The following TNFSF13B variants were observed in gnomAD, a reference collection of about 807,000 sequenced individuals.
The protein encoded by TNFSF13B is tumor necrosis factor ligand superfamily member 13B.
TNFSF13B carries 8 observed loss-of-function variants against 29.1 expected under a neutral mutation model. The observed-to-expected ratio is 0.27, with a 90% CI of 0.16 to 0.50. TNFSF13B has a LOEUF of 0.50. TNFSF13B is among the 20% of genes least tolerant of loss of function. The pLI is 0.98. For synonymous variants in TNFSF13B, 125 were observed against 130.8 expected (o/e 0.96, Z 0.30); for missense variants, 248 against 334.9 (o/e 0.74, Z 2.03).
rs1011765801 is a variant in TNFSF13B, at chr13:108,273,234, AT to A, written c.424+2820del. Among the ~76,000 whole-genome samples, 435 of 150,214 alleles carry A rather than the reference AT, an allele frequency of 2.9e-3. 2 individuals are homozygous for A. Among genetic ancestry groups the A allele is most frequent in the South Asian group, 8.5e-3 (40 of 4,720 alleles). ...ACAGCATGGATACACTTACAGGTGGATTTTTTTTTTCAATAAACCTATTGGA... is the reference window on the plus strand; with the variant it reads ...ACAGCATGGATACACTTACAGGTGGATTTTTTTTTCAATAAACCTATTGGA... On this transcript the variant is annotated intron_variant, in intron 2 of 5. Transcript: ENST00000375887.
At chr13:108,296,437 T>C (rs1358503603) in intron 3 of TNFSF13B, among the ~76,000 whole-genome samples, 3 of 145,664 alleles carry the variant, frequency 2.1e-5, no homozygotes, top group Non-Finnish European at 4.6e-5. Flanking sequence ...AGGAGGCATA[T>C]TTGTCATCCT....
intron 3 of TNFSF13B, among the ~76,000 whole-genome samples, chr13:108,295,277 C>T (rs1000339960): frequency 2.8e-5 from 4 of 145,144 alleles, no homozygotes; most frequent in South Asian, 2.1e-4. Flanking sequence ...CAGGTTCAGG[C>T]GATTCTCCTG....
rs1453155188 is a variant in TNFSF13B at position 108,297,499 on chromosome 13, A to G, written c.482-5754A>G. On this transcript the variant is annotated intron_variant, in intron 3 of 5. Transcript: ENST00000375887. ...CATTCATGACTTTCTTCAGCGTTGG[A>G]AAGAGTTTGGCCATTATTTCTCCAA... 2.1e-5 allele frequency among the ~76,000 whole-genome samples: 3 copies of G among 145,456 alleles called. 1 individual carries two copies. Among genetic ancestry groups the G allele is most frequent in the African/African-American group, 5.2e-5 (2 of 38,662 alleles).
chr13:108,272,513 G>A (rs184396346), intron 2 of TNFSF13B, among the ~76,000 whole-genome samples: 1 of 151,928 alleles, frequency 6.6e-6, no homozygotes, highest in Non-Finnish European at 1.5e-5. Context: ...TCCTTCTGTT[G>A]TTTATTTTGA....
intron 5 of TNFSF13B, among the ~76,000 whole-genome samples, chr13:108,305,496 A>T (rs1183772680): frequency 1.3e-5 from 2 of 152,156 alleles, no homozygotes; most frequent in African/African-American, 4.8e-5. Flanking sequence ...TAATCCTTAG[A>T]GTTAATATTA....
intron 3 of TNFSF13B, among the ~76,000 whole-genome samples, chr13:108,290,261 A>G (rs1881267690): frequency 6.6e-6 from 1 of 152,196 alleles, no homozygotes; most frequent in Non-Finnish European, 1.5e-5. Flanking sequence ...ATTCCATTGT[A>G]TGAATTGAAT....
intron 3 of TNFSF13B, among the ~76,000 whole-genome samples, chr13:108,288,465 T>C (rs1881206364): frequency 6.6e-6 from 1 of 152,204 alleles, no homozygotes; most frequent in Non-Finnish European, 1.5e-5. Flanking sequence ...CTACCATAAA[T>C]GTGCTCAGAA....
Position 108,270,501 on chromosome 13 carries a change from T to C in TNFSF13B, c.424+77T>C, listed in dbSNP as rs1417139279. The stretch of plus-strand genomic sequence containing the variant: ...CCAGTCTGGGGGAGCTGGAGGTGAG[T>C]ATCCCCTCTATGAACCTATTAAATA... On this transcript the variant is annotated intron_variant, in intron 2 of 5. Coordinates refer to ENST00000375887, the MANE Select transcript of TNFSF13B (RefSeq NM_006573.5). The C allele has an allele frequency of 2.0e-5, 26 of 1,319,434 alleles. No homozygotes were observed. In the East Asian group the frequency reaches 5.9e-4, roughly 30 times the overall value. 81.7% of individuals were successfully genotyped at this position (1,319,434 alleles called of 1,614,324 possible).
chr13:108,290,149 A>G (rs1433707123), intron 3 of TNFSF13B, among the ~76,000 whole-genome samples: 1 of 152,188 alleles, frequency 6.6e-6, no homozygotes, highest in East Asian at 1.9e-4. Flanking sequence ...ATATGATTTG[A>G]AAATGAGATT....
chr13:108,301,778 G>A (rs1881631964), intron 3 of TNFSF13B, among the ~76,000 whole-genome samples: 1 of 152,116 alleles, frequency 6.6e-6, no homozygotes, highest in African/African-American at 2.4e-5. Flanking sequence ...TGCTAAATGA[G>A]TAGATATTGT....
At chr13:108,278,514 T>G (rs1880820701) in intron 2 of TNFSF13B, among the ~76,000 whole-genome samples, 1 of 138,732 alleles carries the variant, frequency 7.2e-6, no homozygotes, top group Admixed American at 7.5e-5. Flanking sequence ...AATTTGTAAA[T>G]TTTTGCAAGT....
chr13:108,273,070 A>C (rs571599990), intron 2 of TNFSF13B, among the ~76,000 whole-genome samples: 1 of 152,180 alleles, frequency 6.6e-6, no homozygotes, highest in African/African-American at 2.4e-5. Flanking sequence ...GTGAAAAAAA[A>C]TTTGCCCAGA....
intron 2 of TNFSF13B, among the ~76,000 whole-genome samples, chr13:108,271,464 AC>A (rs1880612223): frequency 6.6e-6 from 1 of 150,550 alleles, no homozygotes; most frequent in East Asian, 2.0e-4. Flanking sequence ...ACACACACAC[AC>A]ACACACACAC....
chr13:108,304,365 A>G (rs545912513), intron 5 of TNFSF13B, among the ~76,000 whole-genome samples: 60 of 152,266 alleles, frequency 3.9e-4, no homozygotes, highest in African/African-American at 1.3e-3. Flanking sequence ...GACAATTCAG[A>G]TGACATCTTG....
At chr13:108,294,506 A>T (rs148436574) in intron 3 of TNFSF13B, among the ~76,000 whole-genome samples, 72 of 152,164 alleles carry the variant, frequency 4.7e-4, no homozygotes, top group African/African-American at 1.7e-3. Context: ...TAGAATTATG[A>T]TATCTGCAAA....
chr13:108,290,923 G>A (rs1881287126), intron 3 of TNFSF13B, among the ~76,000 whole-genome samples: 3 of 151,486 alleles, frequency 2.0e-5, no homozygotes, highest in Admixed American at 2.0e-4. Flanking sequence ...ATTTATCCTG[G>A]TATAAGATGT....
chr13:108,284,554 A>G (rs1881068411), intron 2 of TNFSF13B, among the ~76,000 whole-genome samples: 1 of 152,220 alleles, frequency 6.6e-6, no homozygotes, highest in Admixed American at 6.5e-5. Flanking sequence ...ACTGATACAA[A>G]TAGTCAAGAT....
rs745643164 is a variant in TNFSF13B, at chr13:108,270,048, C to T, written c.153C>T (p.Thr51=). 14 of 1,610,652 alleles carry T rather than the reference C, an allele frequency of 8.7e-6. No homozygotes were observed. The highest frequency in any genetic ancestry group is 3.4e-6 in the Non-Finnish European group (4 of 1,180,006). The part of the protein sequence containing the change: ...SSKDGKLLAA[T]LLLALLSCCL... ...AAGACGGAAAGCTGCTGGCTGCAAC[C>T]TTGCTGCTGGCACTGCTGTCTTGCT... The change falls in exon 1 of 6, where the codon ACC becomes ACT. Residue 51 remains threonine, a synonymous_variant. Transcript: ENST00000375887.
At chr13:108,290,876 A>G (rs1285396685) in intron 3 of TNFSF13B, among the ~76,000 whole-genome samples, 1 of 151,956 alleles carries the variant, frequency 6.6e-6, no homozygotes, top group Non-Finnish European at 1.5e-5. Flanking sequence ...AAACCTTTAT[A>G]GTTATTTTCT....
Sources: gnomAD v4.1 joint callset for allele counts (sites outside exome capture counted in the v4.1 genomes callset) on GRCh38, gnomAD v4.1.1 for gene constraint, MANE v1.5 for transcripts, NCBI Gene and HGNC (gene_info 2026-07-23, HGNC 2026-07-21) for gene names.